The following ERICH6B variants were observed in gnomAD, a reference collection of about 807,000 sequenced individuals.
ERICH6B encodes the protein glutamate rich 6B, also known as glutamate-rich protein 6B.
Under a neutral mutation model 80.0 loss-of-function variants are expected in ERICH6B, and 69 were observed. The observed-to-expected ratio is 0.86, with a 90% CI of 0.71 to 1.05. The LOEUF is 1.05. Ranked by LOEUF, ERICH6B falls within the 50% of genes least tolerant of loss-of-function variation. The pLI is 0.00. For synonymous variants in ERICH6B, 283 were observed against 291.9 expected (o/e 0.97, Z 0.31); for missense variants, 754 against 796.1 (o/e 0.95, Z 0.64).
chr13:45,598,752 G>A (rs1384230629), intron 2 of ERICH6B, among the ~76,000 whole-genome samples: 8 of 152,266 alleles, frequency 5.3e-5, no homozygotes, highest in African/African-American at 1.7e-4. Context: ...AGGACTTGCC[G>A]CCCAGCGGTG....
Position 45,561,300 on chromosome 13 carries a change from T to G in ERICH6B, c.1407+69A>C, listed in dbSNP as rs527764418. ...TTCCTTACAGCTCTCTGGTGGTGTA[T>G]GCACACCTCACCAGAGCCAAAAAAA... is the stretch of plus-strand genomic sequence containing the variant. On this transcript the variant is annotated intron_variant, in intron 11 of 14. Coordinates refer to ENST00000298738, the MANE Select transcript of ERICH6B (RefSeq NM_182542.3). 2.5e-5 allele frequency: 36 copies of G among 1,468,302 alleles called. No homozygotes were observed. In the African/African-American group the frequency reaches 4.7e-4, roughly 19 times the overall value. The allele number at this position is 1,468,302 out of a possible 1,614,324, so 91.0% of individuals were successfully genotyped here. A position where few individuals can be genotyped will look rare whatever the true frequency, so the allele number is the denominator to read the frequency against.
chr13:45,597,037 T>C lies in ERICH6B; in HGVS notation c.-32A>G, dbSNP rs1876428248. The C allele has an allele frequency of 6.6e-7, 1 of 1,506,300 alleles. No individual in the cohort carries two copies. The highest frequency in any genetic ancestry group is 1.3e-5 in the South Asian group (1 of 75,544). The allele number at this position is 1,506,300 out of a possible 1,614,324, so 93.3% of individuals were successfully genotyped here. ...GAAGTCGTAGGTGGTGAACTCCTTC[T>C]GCAGCAGCCAACGTCACTTTATTAT... On this transcript the variant is annotated 5_prime_UTR_variant, in exon 3 of 15. Transcript: ENST00000298738.
chr13:45,592,706 C>G (rs1876204906), intron 3 of ERICH6B, among the ~76,000 whole-genome samples: 1 of 152,146 alleles, frequency 6.6e-6, no homozygotes, highest in Admixed American at 6.5e-5. Context: ...ACTAAAAAAA[C>G]TAAAAGGGGG....
intron 2 of ERICH6B, among the ~76,000 whole-genome samples, chr13:45,606,534 TATATATATA>T (rs1949865037): frequency 3.4e-4 from 6 of 17,718 alleles, no homozygotes; most frequent in African/African-American, 5.1e-4. Context: ...TATATATATA[TATATATATA>T]TATATTTTTT....
At chr13:45,550,500 C>CTG (rs143224933) in intron 11 of ERICH6B, among the ~76,000 whole-genome samples, 184 bp from the exon 12 acceptor site, 11 of 152,046 alleles carry the variant, frequency 7.2e-5, no homozygotes, top group African/African-American at 2.4e-4. Context: ...TGGACTGGAT[C>CTG]TGTGTGTGTG....
chr13:45,599,894 C>T (rs202141157), intron 2 of ERICH6B, among the ~76,000 whole-genome samples: 28 of 152,244 alleles, frequency 1.8e-4, no homozygotes, highest in African/African-American at 5.5e-4. Context: ...TAAGAAGCAG[C>T]GGAGAATGGA....
intron 8 of ERICH6B, 147 bp from the exon 9 acceptor site, chr13:45,568,598 G>A: frequency 3.9e-6 from 3 of 764,338 alleles, no homozygotes; most frequent in Non-Finnish European, 6.0e-6. Flanking sequence ...GCAGGGGGAG[G>A]GAGAGCAACA....
intron 5 of ERICH6B, among the ~76,000 whole-genome samples, chr13:45,585,751 G>A (rs1162073736): frequency 6.6e-6 from 1 of 152,194 alleles, no homozygotes; most frequent in African/African-American, 2.4e-5. Flanking sequence ...CCAAGACATA[G>A]CTGCAAAATG....
intron 14 of ERICH6B, among the ~76,000 whole-genome samples, chr13:45,544,285 G>A (rs552442863): frequency 6.6e-6 from 1 of 152,320 alleles, no homozygotes; most frequent in Non-Finnish European, 1.5e-5. Flanking sequence ...GTGTTGGCCA[G>A]GCTGGTCTCG....
At chr13:45,542,546 G>T (rs1873822449) in intron 14 of ERICH6B, among the ~76,000 whole-genome samples, 1 of 152,202 alleles carries the variant, frequency 6.6e-6, no homozygotes, top group African/African-American at 2.4e-5. Context: ...GCTCTCCAAG[G>T]CGTCAGGCCC....
chr13:45,587,251 G>C lies in ERICH6B; in HGVS notation c.687-19C>G. The C allele has an allele frequency of 6.4e-7, 1 of 1,550,880 alleles. No individual in the cohort carries two copies. Among genetic ancestry groups the C allele is most frequent in the Non-Finnish European group, 8.7e-7 (1 of 1,146,596 alleles). Reference sequence around the variant, plus strand: ...TGGACTCCTGTCAGAGGGGAGAACAGGAAGGTCAACTTCCAGACAGGGGCC... The same window carrying C: ...TGGACTCCTGTCAGAGGGGAGAACACGAAGGTCAACTTCCAGACAGGGGCC... On this transcript the variant is annotated intron_variant, in intron 4 of 14. Transcript: ENST00000298738.
At chr13:45,595,120 C>A (rs1053415753) in intron 3 of ERICH6B, among the ~76,000 whole-genome samples, 3 of 152,112 alleles carry the variant, frequency 2.0e-5, no homozygotes, top group Non-Finnish European at 4.4e-5. Flanking sequence ...TTTAAGGGGG[C>A]CGAATGGGTA....
chr13:45,603,922 G>A (rs933520744), intron 2 of ERICH6B, among the ~76,000 whole-genome samples: 1 of 152,228 alleles, frequency 6.6e-6, no homozygotes, highest in Non-Finnish European at 1.5e-5. Flanking sequence ...GCCCTGGCCA[G>A]CACACAGCGG....
At chr13:45,575,434 G>A (rs1214802901) in intron 7 of ERICH6B, among the ~76,000 whole-genome samples, 7 of 152,284 alleles carry the variant, frequency 4.6e-5, no homozygotes, top group Middle Eastern at 6.8e-3. Context: ...GGAGTCGGGC[G>A]AGTGAGGGAG....
chr13:45,580,209 A>T (rs1593317490), intron 6 of ERICH6B, among the ~76,000 whole-genome samples: 1 of 152,100 alleles, frequency 6.6e-6, no homozygotes, highest in African/African-American at 2.4e-5. Context: ...TATCTTGCCC[A>T]CTAGAGTTCA....
chr13:45,561,389 A>C lies in ERICH6B; in HGVS notation c.1387T>G (p.Trp463Gly). ...CTTACCACTGTCTTCTTCTGTATCC[A>C]TTCCTTATCTCGTTCTAATTTCTTC... ...HRKKLERDKE[W>G]IQKKTVVHQG... Residue 463 changes from tryptophan (W) to glycine (G), a missense_variant, in exon 11 of 15, where the codon TGG becomes GGG. Trp to Gly is a radical substitution (Grantham distance 184). Transcript: ENST00000298738. 6.4e-7 allele frequency: 1 copy of C among 1,552,256 alleles called. No individual in the cohort carries two copies. The highest frequency in any genetic ancestry group is 8.7e-7 in the Non-Finnish European group (1 of 1,147,116).
chr13:45,578,920 T>C (rs540521118), intron 7 of ERICH6B, among the ~76,000 whole-genome samples: 39 of 152,284 alleles, frequency 2.6e-4, no homozygotes, highest in Non-Finnish European at 4.7e-4. Flanking sequence ...AGTGGTGGCA[T>C]GCACCCGTGG....
chr13:45,606,300 A>G (rs1310258452), intron 2 of ERICH6B, among the ~76,000 whole-genome samples: 1 of 151,834 alleles, frequency 6.6e-6, no homozygotes, highest in Non-Finnish European at 1.5e-5. Flanking sequence ...GATAATTGTT[A>G]TAACAGATGT....
chr13:45,560,394 C>T lies in ERICH6B; in HGVS notation c.1407+975G>A, dbSNP rs146982185. 3.2e-3 allele frequency among the ~76,000 whole-genome samples: 481 copies of T among 152,210 alleles called. 1 individual carries two copies. Among genetic ancestry groups the T allele is most frequent in the African/African-American group, 0.01 (427 of 41,510 alleles). ...CAGTTTCCCATATATGCACAGCCTC[C>T]CCAACCATCAACACCCCCCCACCTG... On this transcript the variant is annotated intron_variant, in intron 11 of 14. Transcript: ENST00000298738.
Sources: gnomAD v4.1 joint callset for allele counts (sites outside exome capture counted in the v4.1 genomes callset) on GRCh38, gnomAD v4.1.1 for gene constraint, MANE v1.5 for transcripts, NCBI Gene and HGNC (gene_info 2026-07-23, HGNC 2026-07-21) for gene names.